CD36: variants seen among roughly 807,000 people sequenced by gnomAD.
CD36 encodes platelet glycoprotein 4.
In CD36, 119 loss-of-function variants were observed where a neutral mutation model predicts 55.2. The ratio of observed to expected loss-of-function variants is 2.15; its 90% CI spans 1.86 to 2.51. The LOEUF is 2.51. CD36 is among the 30% of genes most tolerant of loss of function. The pLI, the probability that CD36 is intolerant of heterozygous loss-of-function variation, is 0.00. For missense variants in CD36, 819 were observed against 555.5 expected (o/e 1.47, Z -4.77); for synonymous variants, 186 against 193.6 (o/e 0.96, Z 0.33).
chr7:80,662,961 T>C, intron 5 of CD36, 29 bp from the exon 6 acceptor site: 1 of 1,548,684 alleles, frequency 6.5e-7, no homozygotes, highest in African/African-American at 1.4e-5. Flanking sequence ...ATTGTATTCT[T>C]GTCTTAAACA....
intron 1 of CD36, among the ~76,000 whole-genome samples, chr7:80,611,612 G>C (rs569545890): frequency 6.6e-6 from 1 of 152,190 alleles, no homozygotes; most frequent in Non-Finnish European, 1.5e-5. Flanking sequence ...GTACCATAGG[G>C]AACTGACAGT....
At chr7:80,654,648 T>C (rs949017941) in intron 3 of CD36, among the ~76,000 whole-genome samples, 1 of 151,948 alleles carries the variant, frequency 6.6e-6, no homozygotes, top group African/African-American at 2.4e-5. Context: ...AAATAAAAAG[T>C]TTTTCAAGGA....
intron 1 of CD36, among the ~76,000 whole-genome samples, chr7:80,620,630 C>A (rs1793412328): frequency 6.6e-6 from 1 of 152,034 alleles, no homozygotes; most frequent in African/African-American, 2.4e-5. Context: ...TTCCTTCCCC[C>A]AGGATGTAGG....
rs775478465 is a variant in CD36, at chr7:80,672,786, T to G, written c.1142T>G (p.Leu381Ter). 5.0e-6 allele frequency: 8 copies of G among 1,609,466 alleles called. No individual in the cohort carries two copies. The East Asian group carries it at 1.8e-4, about 36-fold the overall frequency. ...LDIEPITGFT[L>*]QFAKRLQVNL... ...TCTTTTTAGATAACTGGATTCACTT[T>G]ACAATTTGCAAAACGGCTGCAGGTC... is the stretch of plus-strand genomic sequence containing the variant. Residue 381 changes from leucine to a stop codon, truncating the protein, a stop_gained, in exon 12 of 15, where the codon TTA becomes TGA. Coordinates refer to ENST00000447544, the MANE Select transcript of CD36 (RefSeq NM_001001548.3). LOFTEE classifies it high-confidence loss of function.
At chr7:80,612,898 T>A (rs917869011) in intron 1 of CD36, among the ~76,000 whole-genome samples, 1 of 152,152 alleles carries the variant, frequency 6.6e-6, no homozygotes, top group Non-Finnish European at 1.5e-5. Context: ...AGATAAACTT[T>A]CATCATAAGC....
chr7:80,660,308 C>T (rs552073532), intron 4 of CD36, among the ~76,000 whole-genome samples: 2 of 152,182 alleles, frequency 1.3e-5, no homozygotes, highest in African/African-American at 4.8e-5. Context: ...ATTCAATATA[C>T]TTGAGGGGCT....
intron 8 of CD36, among the ~76,000 whole-genome samples, chr7:80,667,754 T>TTTTTTTTTTTTTTTTTTTG (rs1562817093): frequency 7.8e-6 from 1 of 128,724 alleles, no homozygotes; most frequent in Non-Finnish European, 1.6e-5. Context: ...TTTGTTTTTT[T>TTTTTTTTTTTTTTTTTTTG]TTTTTTTTTT....
Position 80,661,100 on chromosome 7 carries a change from G to A in CD36, c.319G>A (p.Ala107Thr), listed in dbSNP as rs974774025. Residue 107 changes from alanine (A) to threonine (T), a missense_variant, in exon 5 of 15, where the codon GCT becomes ACT. Coordinates refer to ENST00000447544, the MANE Select transcript of CD36 (RefSeq NM_001001548.3). Reference sequence around the variant, plus strand: ...AGCCAAGGAAAATGTAACCCAGGACGCTGAGGACAACACAGTCTCTTTCCT... The same window carrying A: ...AGCCAAGGAAAATGTAACCCAGGACACTGAGGACAACACAGTCTCTTTCCT... ...FLAKENVTQD[A>T]EDNTVSFLQP... The A allele has an allele frequency of 3.8e-5, 61 of 1,613,700 alleles. No individual in the cohort carries two copies. The highest frequency in any genetic ancestry group is 5.2e-5 in the Non-Finnish European group (61 of 1,179,754).
intron 1 of CD36, among the ~76,000 whole-genome samples, chr7:80,642,401 G>T (rs1794880979): frequency 6.6e-6 from 1 of 152,022 alleles, no homozygotes; most frequent in South Asian, 2.1e-4. Flanking sequence ...AGCTAAATTT[G>T]GTGGAATGGT....
intron 3 of CD36, 84 bp from the exon 4 acceptor site, chr7:80,656,456 G>A: frequency 7.9e-7 from 1 of 1,259,138 alleles, no homozygotes; most frequent in Admixed American, 1.8e-5. Context: ...TTTTATTCTG[G>A]CTGACTCAAG....
chr7:80,657,707 A>G (rs1796202431), intron 4 of CD36, among the ~76,000 whole-genome samples: 1 of 152,142 alleles, frequency 6.6e-6, no homozygotes, highest in Non-Finnish European at 1.5e-5. Context: ...CAAAAACACT[A>G]CCTTAACCAA....
Position 80,678,534 on chromosome 7 carries a change from G to C in CD36, c.*2151G>C, listed in dbSNP as rs539674704. 1 of 152,052 alleles carries C rather than the reference G, an allele frequency of 6.6e-6. No homozygotes were observed. The highest frequency in any genetic ancestry group is 6.6e-5 in the Admixed American group (1 of 15,250). 9.4% of individuals were successfully genotyped at this position (152,052 alleles called of 1,614,324 possible). ...TTTCAAGAAAAAAAATAGCTATCAC[G>C]CAATGGTTATCTCTGAAAATATTTG... On this transcript the variant is annotated 3_prime_UTR_variant, in exon 15 of 15. Transcript: ENST00000447544.
intron 1 of CD36, among the ~76,000 whole-genome samples, chr7:80,608,965 A>G (rs1792720806): frequency 7.7e-6 from 1 of 130,568 alleles, no homozygotes; most frequent in Non-Finnish European, 1.5e-5. Context: ...TTTCCTTTCT[A>G]GATTATTTTG....
At chr7:80,637,489 A>G (rs953050882), upstream of CD36, among the ~76,000 whole-genome samples, 1 of 152,016 alleles carries the variant, frequency 6.6e-6, no homozygotes, top group East Asian at 1.9e-4. Flanking sequence ...CAATATTTTT[A>G]TGACTTATTT....
rs141626483 is a variant in CD36 at position 80,674,132 on chromosome 7, G to A, written c.1404G>A (p.Ser468=). 213 of 1,610,480 alleles carry A rather than the reference G, an allele frequency of 1.3e-4. No homozygotes were observed. The African/African-American group carries it at 1.4e-3, about 11-fold the overall frequency. ...TGATTTCATATTGTGCATGCAGATC[G>A]AAAACAATAAAATAAGTAAGTATGT... is the stretch of plus-strand genomic sequence containing the variant. ...AFMISYCACR[S]KTIK Residue 468 remains serine, a synonymous_variant, in exon 14 of 15, where the codon TCG becomes TCA. Transcript: ENST00000447544.
chr7:80,616,206 G>C (rs777267041), intron 1 of CD36, among the ~76,000 whole-genome samples: 11 of 152,084 alleles, frequency 7.2e-5, no homozygotes, highest in Admixed American at 2.0e-4. Context: ...TCATAGCTCA[G>C]CCTAGCTTAT....
chr7:80,616,149 A>T (rs545816059), intron 1 of CD36, among the ~76,000 whole-genome samples: 1 of 152,274 alleles, frequency 6.6e-6, no homozygotes, highest in Admixed American at 6.5e-5. Flanking sequence ...TAAAAATATG[A>T]AAATATCATT....
At chr7:80,636,478 G>C (rs1475052015), upstream of CD36, among the ~76,000 whole-genome samples, 1 of 149,432 alleles carries the variant, frequency 6.7e-6, no homozygotes, top group Non-Finnish European at 1.5e-5. Context: ...GGGCCCGGTA[G>C]CCTGAGGATT....
intron 1 of CD36, among the ~76,000 whole-genome samples, chr7:80,612,558 A>T (rs1722502): frequency 2.4e-4 from 36 of 152,022 alleles, no homozygotes; most frequent in African/African-American, 7.7e-4. Context: ...TATCTTAAAA[A>T]GTATTTCTGA....
Sources: allele counts gnomAD v4.1 joint callset (sites outside exome capture counted in the v4.1 genomes callset), GRCh38; gene constraint gnomAD v4.1.1; transcripts MANE v1.5; gene names NCBI Gene and HGNC (gene_info 2026-07-23, HGNC 2026-07-21).